The following DNAJC5 variants were observed in gnomAD, a reference collection of about 807,000 sequenced individuals.
DNAJC5 encodes the protein DnaJ heat shock protein family (Hsp40) member C5.
A neutral mutation model predicts 23.2 loss-of-function variants in DNAJC5; 1 was observed. That is an observed-to-expected ratio of 0.04 (90% CI 0.02 to 0.20). The LOEUF is 0.20. Ranked by LOEUF, DNAJC5 falls within the 10% of genes least tolerant of loss-of-function variation. DNAJC5 has a pLI of 1.00. For missense variants in DNAJC5, 180 were observed against 267.0 expected, an observed-to-expected ratio of 0.67 and a Z score of 2.27; for synonymous variants, 136 against 120.0, an observed-to-expected ratio of 1.13 and a Z score of -0.87.
At chr20:63,902,047 T>C (rs2053416256) in intron 1 of DNAJC5, among the ~76,000 whole-genome samples, 1 of 152,094 alleles carries the variant, frequency 6.6e-6, no homozygotes, top group East Asian at 1.9e-4. Flanking sequence ...TTCTTTAAAA[T>C]AATAATGCTT....
intron 1 of DNAJC5, among the ~76,000 whole-genome samples, chr20:63,899,803 G>A (rs184624419): frequency 2.4e-4 from 36 of 151,380 alleles, no homozygotes; most frequent in South Asian, 8.4e-4. Flanking sequence ...GGATGGTCTC[G>A]ATCTCCTGAC....
chr20:63,924,942 C>G (rs1386094401), intron 1 of DNAJC5, among the ~76,000 whole-genome samples: 1 of 152,216 alleles, frequency 6.6e-6, no homozygotes, highest in African/African-American at 2.4e-5. Context: ...TCATGTACCG[C>G]ACTCAAGATC....
chr20:63,935,224 C>T lies in DNAJC5; in HGVS notation c.*3656C>T, dbSNP rs1413565353. Reference sequence around the variant, plus strand: ...ATGTGTATATGTATATATCACGCAGCAGGAGTGTCATTCATGCTGCTGTCC... The same window carrying T: ...ATGTGTATATGTATATATCACGCAGTAGGAGTGTCATTCATGCTGCTGTCC... On this transcript the variant is annotated 3_prime_UTR_variant, in exon 5 of 5. Coordinates refer to ENST00000360864, the MANE Select transcript of DNAJC5 (RefSeq NM_025219.3). The T allele has an allele frequency of 1.3e-5, 2 of 152,218 alleles. No homozygotes were observed. The highest frequency in any genetic ancestry group is 2.9e-5 in the Non-Finnish European group (2 of 68,050). The allele number at this position is 152,218 out of a possible 1,614,324, so 9.4% of individuals were successfully genotyped here.
chr20:63,932,641 GC>G lies in DNAJC5; in HGVS notation c.*1077del, dbSNP rs2053683184. On this transcript the variant is annotated 3_prime_UTR_variant, in exon 5 of 5. Transcript: ENST00000360864. This position sits in a 1 kb window ranked among gnomAD's most constrained non-coding sequence, Gnocchi z 4.4. ...GCTCCCATCTGCCCCACTCGCCTTT[GC>G]CCCGTCATCGATGATTCAGGCAGAG... 6.6e-6 allele frequency: 1 copy of G among 152,454 alleles called. No individual in the cohort carries two copies. The highest frequency in any genetic ancestry group is 1.5e-5 in the Non-Finnish European group (1 of 68,080). 9.4% of individuals were successfully genotyped at this position (152,454 alleles called of 1,614,324 possible). A position where few individuals can be genotyped will look rare whatever the true frequency, so the allele number is the denominator to read the frequency against.
intron 1 of DNAJC5, among the ~76,000 whole-genome samples, chr20:63,913,817 G>T (rs1568979819): frequency 6.6e-6 from 1 of 152,186 alleles, no homozygotes; most frequent in African/African-American, 2.4e-5. Context: ...GACCTCAGGG[G>T]ATCCGCCCAC....
chr20:63,914,365 A>G (rs961359759), intron 1 of DNAJC5, among the ~76,000 whole-genome samples: 3 of 151,892 alleles, frequency 2.0e-5, no homozygotes, highest in Admixed American at 6.6e-5. Flanking sequence ...CCCAGGCTGG[A>G]GTGTAGTGGC....
chr20:63,918,273 T>TCAGA (rs2053530447), intron 1 of DNAJC5, among the ~76,000 whole-genome samples: 1 of 152,066 alleles, frequency 6.6e-6, no homozygotes, highest in Non-Finnish European at 1.5e-5. Context: ...TCCCAGCTAC[T>TCAGA]CAGAGCCTGA....
chr20:63,904,019 C>A (rs1169790874), intron 1 of DNAJC5, among the ~76,000 whole-genome samples: 1 of 152,094 alleles, frequency 6.6e-6, no homozygotes, highest in Admixed American at 6.6e-5. Context: ...ATCCCTGGAG[C>A]CTGGGAAGCG....
rs1336213181 is a variant in DNAJC5 at position 63,934,448 on chromosome 20, C to A, written c.*2880C>A. 6.6e-6 allele frequency: 1 copy of A among 152,310 alleles called. No individual in the cohort carries two copies. Among genetic ancestry groups the A allele is most frequent in the East Asian group, 1.9e-4 (1 of 5,198 alleles). The allele number at this position is 152,310 out of a possible 1,614,324, so 9.4% of individuals were successfully genotyped here. On this transcript the variant is annotated 3_prime_UTR_variant, in exon 5 of 5. Coordinates refer to ENST00000360864, the MANE Select transcript of DNAJC5 (RefSeq NM_025219.3). ...CTTTGGACGCCGCTGCTGGGGGCTG[C>A]CAGGGGCCCTCTGGGGTCGTGCTTT...
At chr20:63,910,616 G>C (rs2053476482) in intron 1 of DNAJC5, among the ~76,000 whole-genome samples, 1 of 151,980 alleles carries the variant, frequency 6.6e-6, no homozygotes, top group Non-Finnish European at 1.5e-5. Context: ...ATGCCCAGGA[G>C]GGCATGAGTG....
rs534396915 is a variant in DNAJC5, at chr20:63,909,919, G to A, written c.-12+14596G>A. 1.5e-4 allele frequency among the ~76,000 whole-genome samples: 23 copies of A among 152,316 alleles called. 1 individual carries two copies. Among genetic ancestry groups the A allele is most frequent in the African/African-American group, 4.1e-4 (17 of 41,586 alleles). ...GAAGACCAGCAAGCAGCATGACCTC[G>A]TGGTTACTGATCTTATGAAGAACAC... On this transcript the variant is annotated intron_variant, in intron 1 of 4. Transcript: ENST00000360864.
chr20:63,930,828 A>G (rs376272065), intron 3 of DNAJC5, 23 bp from the exon 4 acceptor site: 24 of 1,611,558 alleles, frequency 1.5e-5, no homozygotes, highest in East Asian at 2.2e-5. Flanking sequence ...AGGCCATGCA[A>G]CACCACCTTC....
At chr20:63,906,761 G>C (rs2053451154) in intron 1 of DNAJC5, among the ~76,000 whole-genome samples, 1 of 152,054 alleles carries the variant, frequency 6.6e-6, no homozygotes, top group African/African-American at 2.4e-5. Flanking sequence ...ACTCCAGCCT[G>C]GGTGAGTGAT....
intron 1 of DNAJC5, among the ~76,000 whole-genome samples, chr20:63,914,012 C>G (rs948401374): frequency 6.6e-6 from 1 of 152,184 alleles, no homozygotes; most frequent in Non-Finnish European, 1.5e-5. Flanking sequence ...AGGCCACCTG[C>G]CCAGCCACCA....
chr20:63,902,675 G>GTTTT lies in DNAJC5; in HGVS notation c.-12+7367_-12+7370dup, dbSNP rs35872737. ...GAGCCAACGCACCTGGCCTCATCTT[G>GTTTT]TTTTTTTTTTTTTTTTTTGAGACAG... On this transcript the variant is annotated intron_variant, in intron 1 of 4. Transcript: ENST00000360864. 2.7e-4 allele frequency among the ~76,000 whole-genome samples: 29 copies of GTTTT among 108,148 alleles called. 2 individuals carry two copies. The highest frequency in any genetic ancestry group is 7.6e-4 in the African/African-American group (21 of 27,504). 70.9% of individuals were successfully genotyped at this position (108,148 alleles called of 152,430 possible).
intron 1 of DNAJC5, among the ~76,000 whole-genome samples, chr20:63,902,461 T>C (rs817375): frequency 0.34 from 50,478 of 147,142 alleles, 10,307 homozygotes; most frequent in East Asian, 0.81. Context: ...CTCTGCCTTC[T>C]GGGTTCAAGT....
chr20:63,913,276 T>G (rs1485776438), intron 1 of DNAJC5, among the ~76,000 whole-genome samples: 1 of 152,132 alleles, frequency 6.6e-6, no homozygotes, highest in Non-Finnish European at 1.5e-5. Flanking sequence ...CTCCCTGCAG[T>G]CCGCAGCACC....
intron 1 of DNAJC5, among the ~76,000 whole-genome samples, chr20:63,904,542 G>C (rs1034271170): frequency 6.6e-6 from 1 of 152,190 alleles, no homozygotes. Context: ...CTGCCTCTTA[G>C]TGTGTCTGAC....
intron 1 of DNAJC5, among the ~76,000 whole-genome samples, chr20:63,898,499 A>G (rs192517097): frequency 5.9e-5 from 9 of 152,296 alleles, no homozygotes; most frequent in Admixed American, 2.0e-4. Context: ...TGCACAAGAC[A>G]TAGAGAAGAG....
Sources: allele counts gnomAD v4.1 joint callset (sites outside exome capture counted in the v4.1 genomes callset), GRCh38; gene constraint gnomAD v4.1.1; non-coding constraint Gnocchi (gnomAD v3.1); transcripts MANE v1.5; gene names NCBI Gene and HGNC (gene_info 2026-07-23, HGNC 2026-07-21).